CRYZL1: variants seen among roughly 807,000 people sequenced by gnomAD.
The protein encoded by CRYZL1 is ferry endosomal RAB5 effector complex subunit 4.
A neutral mutation model predicts 50.6 loss-of-function variants in CRYZL1; 34 were observed. The ratio of observed to expected loss-of-function variants is 0.67; its 90% CI spans 0.51 to 0.89. CRYZL1 has a LOEUF of 0.89. CRYZL1 is among the 40% of genes least tolerant of loss of function. The pLI, the probability that CRYZL1 is intolerant of heterozygous loss-of-function variation, is 0.00. For synonymous variants in CRYZL1, 125 were observed against 134.3 expected, an observed-to-expected ratio of 0.93 and a Z score of 0.48; for missense variants, 354 against 402.3, an observed-to-expected ratio of 0.88 and a Z score of 1.03.
chr21:33,601,932 A>G (rs1301452938), intron 8 of CRYZL1, among the ~76,000 whole-genome samples: 4 of 151,336 alleles, frequency 2.6e-5, no homozygotes, highest in African/African-American at 9.7e-5. Flanking sequence ...AAAAAAAAAA[A>G]GCAAATTGGG....
chr21:33,623,340 C>T (rs1306466739), intron 3 of CRYZL1, among the ~76,000 whole-genome samples: 3 of 152,144 alleles, frequency 2.0e-5, no homozygotes, highest in Non-Finnish European at 2.9e-5. Context: ...CCTTCACTTA[C>T]CATAAGCATT....
intron 3 of CRYZL1, 142 bp downstream of exon 3, chr21:33,624,541 C>T: frequency 2.9e-6 from 4 of 1,357,268 alleles, no homozygotes; most frequent in Non-Finnish European, 3.9e-6. Context: ...AAGAGTGAAA[C>T]TCCGTCTCAA....
chr21:33,638,391 C>T (rs545056652), intron 1 of CRYZL1, among the ~76,000 whole-genome samples: 29 of 151,934 alleles, frequency 1.9e-4, no homozygotes, highest in African/African-American at 4.8e-4. Context: ...TTTTTTGTAT[C>T]TTTAGTAGAG....
chr21:33,641,601 C>T (rs139746836), intron 1 of CRYZL1, 80 bp downstream of exon 1: 30 of 284,514 alleles, frequency 1.1e-4, no homozygotes, highest in Middle Eastern at 1.2e-3. Context: ...CCCAGGGCTG[C>T]ACGGTTCTGT....
At chr21:33,607,212 C>CTTA (rs1374221743) in intron 6 of CRYZL1, among the ~76,000 whole-genome samples, 1 of 152,196 alleles carries the variant, frequency 6.6e-6, no homozygotes, top group Non-Finnish European at 1.5e-5. Flanking sequence ...TTACTCTACT[C>CTTA]TTTAACTCTA....
intron 1 of CRYZL1, among the ~76,000 whole-genome samples, chr21:33,635,346 CTTTTTTTT>C (rs11346670): frequency 4.3e-5 from 4 of 93,452 alleles, no homozygotes; most frequent in African/African-American, 1.4e-4. Flanking sequence ...AAGTATTAAA[CTTTTTTTT>C]TTTTTTTTTT....
intron 4 of CRYZL1, among the ~76,000 whole-genome samples, chr21:33,619,214 T>C (rs1244006556): frequency 6.6e-6 from 1 of 152,260 alleles, no homozygotes; most frequent in African/African-American, 2.4e-5. Flanking sequence ...TCCCAGTTAC[T>C]AGGTCCTGCA....
intron 11 of CRYZL1, 115 bp downstream of exon 11, chr21:33,595,616 T>C (rs1434392785): frequency 6.7e-7 from 1 of 1,500,416 alleles, no homozygotes; most frequent in East Asian, 2.5e-5. Flanking sequence ...TGGAATACTG[T>C]TTGGAATACT....
At chr21:33,620,043 C>G (rs894861891) in intron 4 of CRYZL1, among the ~76,000 whole-genome samples, 1 of 152,146 alleles carries the variant, frequency 6.6e-6, no homozygotes, top group African/African-American at 2.4e-5. Context: ...ATATCCTAAG[C>G]AGTTAGCAAT....
At chr21:33,615,218 T>A (rs2086916718) in intron 5 of CRYZL1, among the ~76,000 whole-genome samples, 1 of 149,712 alleles carries the variant, frequency 6.7e-6, no homozygotes, top group African/African-American at 2.5e-5. Context: ...AGTGGTGTGA[T>A]CATGGCTCAC....
chr21:33,603,441 G>A lies in CRYZL1; in HGVS notation c.428C>T (p.Ser143Phe), dbSNP rs1423695748. 6.2e-7 allele frequency: 1 copy of A among 1,614,170 alleles called. No individual in the cohort carries two copies. The highest frequency in any genetic ancestry group is 8.5e-7 in the Non-Finnish European group (1 of 1,180,022). The change falls in exon 7 of 13, where the codon TCT becomes TTT. Residue 143 changes from serine to phenylalanine, a missense_variant. By Grantham distance (155) the Ser-to-Phe change is radical. Coordinates refer to ENST00000381554, the MANE Select transcript of CRYZL1 (RefSeq NM_145858.3). The part of the protein sequence containing the change: ...YTALHYLSHL[S>F]PGKSVLIMDG... ...CATTATCAGCACTGATTTTCCAGGA[G>A]AGAGATGAGAAAGATAATGCAGAGC...
chr21:33,596,299 GTA>G (rs3834675), intron 10 of CRYZL1: 91,149 of 366,876 alleles, frequency 0.25, 12,440 homozygotes, highest in Non-Finnish European at 0.29. Flanking sequence ...ATTTTGCTAA[GTA>G]TATGTCAACA....
intron 3 of CRYZL1, 66 bp downstream of exon 3, chr21:33,624,617 T>C (rs1306328096): frequency 4.4e-6 from 7 of 1,574,574 alleles, no homozygotes; most frequent in Non-Finnish European, 5.1e-6. Context: ...GTTATCGTTA[T>C]ATTTATACAC....
At chr21:33,606,247 A>T (rs995172979) in intron 6 of CRYZL1, among the ~76,000 whole-genome samples, 7 of 152,190 alleles carry the variant, frequency 4.6e-5, no homozygotes, top group African/African-American at 1.7e-4. Context: ...ATCAACGTAT[A>T]ATTTACTTAT....
intron 2 of CRYZL1, among the ~76,000 whole-genome samples, chr21:33,625,562 C>A (rs2087052106): frequency 6.6e-6 from 1 of 152,104 alleles, no homozygotes. Flanking sequence ...CAGCTCACTG[C>A]AGCCTCAACC....
At chr21:33,596,574 G>T (rs961827445) in intron 10 of CRYZL1, among the ~76,000 whole-genome samples, 5 of 152,014 alleles carry the variant, frequency 3.3e-5, no homozygotes, top group African/African-American at 4.8e-5. Flanking sequence ...GGAGGCAGAG[G>T]TTGCAGTGAG....
chr21:33,598,792 T>C (rs919603979), intron 9 of CRYZL1, among the ~76,000 whole-genome samples: 4 of 151,394 alleles, frequency 2.6e-5, no homozygotes, highest in Non-Finnish European at 2.9e-5. Context: ...TAAAACATTA[T>C]AAGACATTTT....
In CRYZL1 at chr21:33,627,377, G is replaced by A. The variant is rs563593997; in HGVS notation, c.67-2617C>T. 3.3e-5 allele frequency among the ~76,000 whole-genome samples: 5 copies of A among 152,318 alleles called. No homozygotes were observed. The East Asian group carries it at 5.8e-4, about 18-fold the overall frequency. ...GCCTCCCAAAGTGCTGGGATTACAG[G>A]CGTGTGCCACTGTGCCTGGCCTAAA... On this transcript the variant is annotated intron_variant, in intron 2 of 12. Coordinates refer to ENST00000381554, the MANE Select transcript of CRYZL1 (RefSeq NM_145858.3).
intron 4 of CRYZL1, 128 bp downstream of exon 4, chr21:33,621,868 C>A: frequency 1.7e-6 from 1 of 577,282 alleles, no homozygotes; most frequent in Admixed American, 3.2e-5. Context: ...TAAAAAAGGA[C>A]ATGTTCATAT....
Sources: allele counts gnomAD v4.1 joint callset (sites outside exome capture counted in the v4.1 genomes callset), GRCh38; gene constraint gnomAD v4.1.1; transcripts MANE v1.5; gene names NCBI Gene and HGNC (gene_info 2026-07-23, HGNC 2026-07-21).